The following MRPL1 variants were observed in gnomAD, a reference collection of about 807,000 sequenced individuals.
MRPL1 encodes large ribosomal subunit protein uL1m.
MRPL1 carries 28 observed loss-of-function variants against 38.0 expected under a neutral mutation model. That is an observed-to-expected ratio of 0.74 (90% CI 0.55 to 1.01). The LOEUF (loss-of-function observed/expected upper bound fraction) is 1.01, where lower values mean the gene tolerates loss of function less well. Among genes scored for constraint, MRPL1 ranks in the 50% least tolerant of loss-of-function variants. The pLI, the probability that MRPL1 is intolerant of heterozygous loss-of-function variation, is 0.00. For synonymous variants in MRPL1, 123 were observed against 126.7 expected (o/e 0.97, Z 0.20); for missense variants, 358 against 389.8 (o/e 0.92, Z 0.69).
At chr4:77,896,659 A>G (rs1578046384) in intron 6 of MRPL1, among the ~76,000 whole-genome samples, 1 of 152,226 alleles carries the variant, frequency 6.6e-6, no homozygotes, top group African/African-American at 2.4e-5. Context: ...GAGCAAGTGG[A>G]GAAAATTAAA....
intron 7 of MRPL1, among the ~76,000 whole-genome samples, chr4:77,948,385 C>T (rs1737322898): frequency 6.6e-6 from 1 of 152,152 alleles, no homozygotes; most frequent in African/African-American, 2.4e-5. Context: ...GCCTTCCCTG[C>T]CAGTGAACTA....
chr4:77,911,476 T>C (rs1736286497), intron 7 of MRPL1, among the ~76,000 whole-genome samples: 1 of 152,160 alleles, frequency 6.6e-6, no homozygotes, highest in Non-Finnish European at 1.5e-5. Context: ...GAGTTTTTTT[T>C]TGAACACTTA....
In MRPL1 at chr4:77,907,268, T is replaced by C. The variant is rs541413639; in HGVS notation, c.671-1998T>C. 7.7e-6 allele frequency: 5 copies of C among 653,518 alleles called. No individual in the cohort carries two copies. The African/African-American group carries it at 7.9e-5, about 10-fold the overall frequency. The allele number at this position is 653,518 out of a possible 1,614,324, so 40.5% of individuals were successfully genotyped here. Reference sequence around the variant, plus strand: ...TTTGTTTATTAAATTTGTGTTAAAATGATAATGACTAAATCTTAGGAGAGA... The same window carrying C: ...TTTGTTTATTAAATTTGTGTTAAAACGATAATGACTAAATCTTAGGAGAGA... On this transcript the variant is annotated intron_variant, in intron 6 of 8. Coordinates refer to ENST00000315567, the MANE Select transcript of MRPL1 (RefSeq NM_020236.4).
chr4:77,891,382 G>A (rs1469607068), intron 5 of MRPL1, among the ~76,000 whole-genome samples: 1 of 145,876 alleles, frequency 6.9e-6, no homozygotes, highest in East Asian at 2.0e-4. Flanking sequence ...TTGAGACAGT[G>A]TGTCGTTGCA....
At chr4:77,949,651 CAA>C (rs1383975347) in intron 7 of MRPL1, 144 bp from the exon 8 acceptor site, 5 of 459,916 alleles carry the variant, frequency 1.1e-5, no homozygotes, top group African/African-American at 6.1e-5. Flanking sequence ...GCATTCGAAA[CAA>C]AGAGCTATAG....
chr4:77,914,095 A>G (rs894013117), intron 7 of MRPL1, among the ~76,000 whole-genome samples: 4 of 152,174 alleles, frequency 2.6e-5, no homozygotes, highest in African/African-American at 9.6e-5. Flanking sequence ...TGTAGGCATT[A>G]AGAATGTGGA....
At chr4:77,898,051 C>T (rs1735958443) in intron 6 of MRPL1, among the ~76,000 whole-genome samples, 1 of 152,156 alleles carries the variant, frequency 6.6e-6, no homozygotes, top group South Asian at 2.1e-4. Flanking sequence ...AGCACTCTCC[C>T]TCCTCAGGTC....
chr4:77,906,975 C>T (rs1736172972), intron 6 of MRPL1: 1 of 985,038 alleles, frequency 1.0e-6, no homozygotes, highest in African/African-American at 1.7e-5. Flanking sequence ...TAGTTGCTTT[C>T]ACTTATAGCT....
At chr4:77,948,418 T>G (rs1049150899) in intron 7 of MRPL1, among the ~76,000 whole-genome samples, 3 of 152,200 alleles carry the variant, frequency 2.0e-5, no homozygotes, top group Non-Finnish European at 4.4e-5. Flanking sequence ...TAAATTAAAG[T>G]CTGTACGGTG....
intron 2 of MRPL1, among the ~76,000 whole-genome samples, chr4:77,872,357 C>T (rs1735301122): frequency 2.6e-5 from 4 of 152,016 alleles, no homozygotes; most frequent in Admixed American, 2.6e-4. Context: ...ACTTTTTATA[C>T]ATCATGTATT....
intron 6 of MRPL1, among the ~76,000 whole-genome samples, chr4:77,904,183 GC>G (rs1352470711): frequency 2.0e-5 from 3 of 151,866 alleles, no homozygotes; most frequent in Non-Finnish European, 4.4e-5. Context: ...GGAGATTGAG[GC>G]TGCAGTGAGC....
In MRPL1 at chr4:77,887,096, C is replaced by T. The variant is rs150390589; in HGVS notation, c.487-124C>T. The T allele has an allele frequency of 6.5e-5, 53 of 816,922 alleles. No homozygotes were observed. In the Middle Eastern group the frequency reaches 1.4e-3, roughly 22 times the overall value. The allele number at this position is 816,922 out of a possible 1,614,324, so 50.6% of individuals were successfully genotyped here. A position where few individuals can be genotyped will look rare whatever the true frequency, so the allele number is the denominator to read the frequency against. On this transcript the variant is annotated intron_variant, in intron 4 of 8. Transcript: ENST00000315567. ...GAGCCACTGCATCCAGCCACATTTTCAATTAAAAATAAAAGCTACAATTTG... is the reference window on the plus strand; with the variant it reads ...GAGCCACTGCATCCAGCCACATTTTTAATTAAAAATAAAAGCTACAATTTG...
At chr4:77,951,459 C>A (rs984746348) in intron 8 of MRPL1, among the ~76,000 whole-genome samples, 2 of 152,180 alleles carry the variant, frequency 1.3e-5, no homozygotes, top group African/African-American at 4.8e-5. Context: ...TAGAGTACAA[C>A]TAGTTTGTCT....
intron 7 of MRPL1, among the ~76,000 whole-genome samples, chr4:77,934,805 A>G (rs1275540779): frequency 6.6e-6 from 1 of 152,236 alleles, no homozygotes; most frequent in Non-Finnish European, 1.5e-5. Context: ...AGATGAATGG[A>G]TAAAGTGCAG....
chr4:77,867,573 A>G (rs7657902), intron 1 of MRPL1, among the ~76,000 whole-genome samples: 10,600 of 151,540 alleles, frequency 0.07, 580 homozygotes, highest in African/African-American at 0.15. Context: ...CTTTCAAGAG[A>G]CGGGGTCTCA....
At chr4:77,892,136 T>C (rs1735822415) in intron 5 of MRPL1, among the ~76,000 whole-genome samples, 1 of 152,018 alleles carries the variant, frequency 6.6e-6, no homozygotes, top group Non-Finnish European at 1.5e-5. Context: ...TCTTTTTTTT[T>C]TTTTCTCTTT....
At chr4:77,863,331 T>C (rs1185922701) in intron 1 of MRPL1, among the ~76,000 whole-genome samples, 3 of 152,164 alleles carry the variant, frequency 2.0e-5, no homozygotes, top group East Asian at 1.9e-4. Context: ...TAAACTTCCA[T>C]AGGTGGTCTA....
intron 7 of MRPL1, among the ~76,000 whole-genome samples, chr4:77,940,993 A>G (rs1247437266): frequency 1.3e-5 from 2 of 152,070 alleles, no homozygotes; most frequent in African/African-American, 2.4e-5. Flanking sequence ...CAGTGGCTCA[A>G]TCCTAGCGGT....
At chr4:77,902,637 T>A (rs79957149) in intron 6 of MRPL1, among the ~76,000 whole-genome samples, 6,665 of 151,552 alleles carry the variant, frequency 0.044, 175 homozygotes, top group African/African-American at 0.072. Context: ...ATTTTTTTTT[T>A]AAAAAGGGAA....
Sources: gnomAD v4.1 joint callset for allele counts (sites outside exome capture counted in the v4.1 genomes callset) on GRCh38, gnomAD v4.1.1 for gene constraint, MANE v1.5 for transcripts, NCBI Gene and HGNC (gene_info 2026-07-23, HGNC 2026-07-21) for gene names.